The following STX11 variants were observed in gnomAD, a reference collection of about 807,000 sequenced individuals.
STX11 encodes syntaxin 11, also known as syntaxin-11.
STX11 carries 21 observed loss-of-function variants against 19.9 expected under a neutral mutation model. The observed-to-expected ratio is 1.06, with a 90% CI of 0.75 to 1.52. The LOEUF (loss-of-function observed/expected upper bound fraction) is 1.52. STX11 is among the 40% of genes most tolerant of loss of function. STX11 has a pLI of 0.00. For missense variants in STX11, 438 were observed against 405.9 expected (o/e 1.08, Z -0.68); for synonymous variants, 193 against 174.4 (o/e 1.11, Z -0.84).
rs553746899 is a variant in STX11 at position 144,167,632 on chromosome 6, T to C, written c.-6+16929T>C. Among the ~76,000 whole-genome samples the C allele has an allele frequency of 3.3e-5, 5 of 152,220 alleles. No homozygotes were observed. Among genetic ancestry groups the C allele is most frequent in the Non-Finnish European group, 7.3e-5 (5 of 68,042 alleles). On this transcript the variant is annotated intron_variant, in intron 1 of 1. Transcript: ENST00000367568. The surrounding 1 kb of genome is among the most constrained non-coding windows in gnomAD (Gnocchi z 5.0). ...TTTTTCATTTCTTTTTTATTTTCTT[T>C]TTTTGAGACAAGATCTTGCTCTGTT...
rs1220834239 is a variant in STX11 at position 144,176,036 on chromosome 6, A to G, written c.-5-10587A>G. Among the ~76,000 whole-genome samples, 1 of 152,146 alleles carries G rather than the reference A, an allele frequency of 6.6e-6. No homozygotes were observed. Among genetic ancestry groups the G allele is most frequent in the Non-Finnish European group, 1.5e-5 (1 of 68,022 alleles). ...TCTCTGCTAAACCCACTTTTAGGAA[A>G]AAGAAAGAAGTGGCTGGGCTACTGC... is the stretch of plus-strand genomic sequence containing the variant. On this transcript the variant is annotated intron_variant, in intron 1 of 1. Coordinates refer to ENST00000367568, the MANE Select transcript of STX11 (RefSeq NM_003764.4). The surrounding 1 kb of genome is among the most constrained non-coding windows in gnomAD (Gnocchi z 4.1).
rs778541383 is a variant in STX11, at chr6:144,153,026, G to A, written c.-6+2323G>A. Among the ~76,000 whole-genome samples, 24 of 152,158 alleles carry A rather than the reference G, an allele frequency of 1.6e-4. No individual in the cohort carries two copies. The highest frequency in any genetic ancestry group is 2.8e-4 in the Non-Finnish European group (19 of 68,044). Reference sequence around the variant, plus strand: ...CAATGTTTTTTATCACATTATAGCCGTGTGAGCCAAAATGAATAAATCTAC... The same window carrying A: ...CAATGTTTTTTATCACATTATAGCCATGTGAGCCAAAATGAATAAATCTAC... On this transcript the variant is annotated intron_variant, in intron 1 of 1. Transcript: ENST00000367568. This position sits in a 1 kb window ranked among gnomAD's most constrained non-coding sequence, Gnocchi z 5.0.
At position 144,187,025 on chromosome 6, in the gene STX11, A is replaced by ACGCGCT. The variant is rs1802064188; in HGVS notation, c.400_405dup (p.Ala134_Leu135dup). ...GCGCGCATTTCGCGGGCGCAGTACA[A>ACGCGCT]CGCGCTCACCCTCACCTTCCAGCGC... is the stretch of plus-strand genomic sequence containing the variant. On this transcript the variant is annotated inframe_insertion, in exon 2 of 2. Coordinates refer to ENST00000367568, the MANE Select transcript of STX11 (RefSeq NM_003764.4). The surrounding 1 kb of genome is among the most constrained non-coding windows in gnomAD (Gnocchi z 5.6). 2.5e-6 allele frequency: 4 copies of ACGCGCT among 1,612,170 alleles called. No homozygotes were observed. The highest frequency in any genetic ancestry group is 3.4e-6 in the Non-Finnish European group (4 of 1,179,882).
chr6:144,171,348 T>C (rs1035997741), intron 1 of STX11, among the ~76,000 whole-genome samples: 5 of 152,186 alleles, frequency 3.3e-5, no homozygotes, highest in African/African-American at 1.2e-4. Context: ...TAATTTTTGC[T>C]CTTTTTAGCA....
chr6:144,181,763 C>T (rs774999343), intron 1 of STX11, among the ~76,000 whole-genome samples: 15 of 152,172 alleles, frequency 9.9e-5, no homozygotes, highest in Non-Finnish European at 2.2e-4. Flanking sequence ...ATTCTGTCAC[C>T]TCTTGCAGAC....
intron 1 of STX11, among the ~76,000 whole-genome samples, chr6:144,185,931 G>A (rs887927244): frequency 3.3e-5 from 5 of 152,078 alleles, no homozygotes; most frequent in Admixed American, 1.3e-4. Context: ...GTGTACAGGA[G>A]GGGATGCTTC....
chr6:144,140,979 A>T, the STX11 span, among the ~76,000 whole-genome samples: 41,181 of 152,164 alleles, frequency 0.27, 6,058 homozygotes, highest in African/African-American at 0.39. Flanking sequence ...GGCTAAACTA[A>T]TATCTGTAAA....
chr6:144,159,653 T>C lies in STX11; in HGVS notation c.-6+8950T>C, dbSNP rs1161146099. Among the ~76,000 whole-genome samples the C allele has an allele frequency of 1.3e-5, 2 of 152,204 alleles. No individual in the cohort carries two copies. Among genetic ancestry groups the C allele is most frequent in the Non-Finnish European group, 2.9e-5 (2 of 68,040 alleles). On this transcript the variant is annotated intron_variant, in intron 1 of 1. Coordinates refer to ENST00000367568, the MANE Select transcript of STX11 (RefSeq NM_003764.4). The surrounding 1 kb of genome is among the most constrained non-coding windows in gnomAD (Gnocchi z 4.3). ...CTGTGTGTCTCATTCAATGCACCAT[T>C]ACTAGAAGTTACTTTGTTAATATTT...
chr6:144,171,994 A>T (rs1200845290), intron 1 of STX11, among the ~76,000 whole-genome samples: 2 of 152,232 alleles, frequency 1.3e-5, no homozygotes, highest in East Asian at 3.8e-4. Flanking sequence ...TTGTGTTTTA[A>T]AATCATAACA....
the STX11 span, among the ~76,000 whole-genome samples, chr6:144,145,243 C>T: frequency 2.6e-5 from 4 of 152,142 alleles, no homozygotes; most frequent in Non-Finnish European, 5.9e-5. Flanking sequence ...CTGACACATG[C>T]TACATACAGC....
chr6:144,140,256 T>TATATATATATATATATATA, the STX11 span, among the ~76,000 whole-genome samples: 1 of 73,984 alleles, frequency 1.4e-5, no homozygotes, highest in African/African-American at 3.6e-5. Flanking sequence ...ATATATATAT[T>TATATATATATATATATATA]TATTTATTTA....
upstream of STX11, chr6:144,150,409 G>A (rs550871931): frequency 1.9e-4 from 161 of 843,918 alleles, no homozygotes; most frequent in African/African-American, 2.8e-3. Flanking sequence ...GGGAACCCGC[G>A]CTCTGTGAGC....
chr6:144,187,588 C>A lies in STX11; in HGVS notation c.*97C>A. The A allele has an allele frequency of 7.4e-6, 11 of 1,485,396 alleles. No individual in the cohort carries two copies. Among genetic ancestry groups the A allele is most frequent in the Non-Finnish European group, 1.0e-5 (11 of 1,084,412 alleles). The allele number at this position is 1,485,396 out of a possible 1,614,324, so 92.0% of individuals were successfully genotyped here. ...AGCTCTGCCCTGCAGGGAGTTGCCC[C>A]AACCCTTTCCGGAACTCAGTCTTTA... On this transcript the variant is annotated 3_prime_UTR_variant, in exon 2 of 2. Coordinates refer to ENST00000367568, the MANE Select transcript of STX11 (RefSeq NM_003764.4). The surrounding 1 kb of genome is among the most constrained non-coding windows in gnomAD (Gnocchi z 5.6).
rs1802143647 is a variant in STX11, at chr6:144,188,961, C to T, written c.*1470C>T. Reference sequence around the variant, plus strand: ...CAGGATGGTCTTGATCTCCTGACCTCGTGATCCGCCCGCCTCAGCCTCCCA... The same window carrying T: ...CAGGATGGTCTTGATCTCCTGACCTTGTGATCCGCCCGCCTCAGCCTCCCA... On this transcript the variant is annotated 3_prime_UTR_variant, in exon 2 of 2. Coordinates refer to ENST00000367568, the MANE Select transcript of STX11 (RefSeq NM_003764.4). Among the ~76,000 whole-genome samples the T allele has an allele frequency of 6.6e-6, 1 of 151,974 alleles. No individual in the cohort carries two copies. Among genetic ancestry groups the T allele is most frequent in the African/African-American group, 2.4e-5 (1 of 41,380 alleles).
chr6:144,149,318 C>A (rs1465313762), upstream of STX11, among the ~76,000 whole-genome samples: 1 of 151,158 alleles, frequency 6.6e-6, no homozygotes, highest in Admixed American at 6.6e-5. This position sits in a 1 kb window ranked among gnomAD's most constrained non-coding sequence, Gnocchi z 5.1. Flanking sequence ...TCAGTGTAGA[C>A]TCATGGATTT....
rs992966200 is a variant in STX11, at chr6:144,155,409, A to G, written c.-6+4706A>G. ...TTTAAAATAGTTTCTCCACACATGCATTGAATGTTTTGTTCAGCATTTCTT... is the reference window on the plus strand; with the variant it reads ...TTTAAAATAGTTTCTCCACACATGCGTTGAATGTTTTGTTCAGCATTTCTT... On this transcript the variant is annotated intron_variant, in intron 1 of 1. Coordinates refer to ENST00000367568, the MANE Select transcript of STX11 (RefSeq NM_003764.4). This position sits in a 1 kb window ranked among gnomAD's most constrained non-coding sequence, Gnocchi z 4.5. Among the ~76,000 whole-genome samples, 2 of 152,170 alleles carry G rather than the reference A, an allele frequency of 1.3e-5. No individual in the cohort carries two copies. Among genetic ancestry groups the G allele is most frequent in the African/African-American group, 4.8e-5 (2 of 41,424 alleles).
chr6:144,150,349 G>C (rs1800963650), upstream of STX11, among the ~76,000 whole-genome samples: 1 of 152,210 alleles, frequency 6.6e-6, no homozygotes, highest in Non-Finnish European at 1.5e-5. Flanking sequence ...AGGGGCTGGA[G>C]CGCGTCCCCG....
chr6:144,188,165 T>G lies in STX11; in HGVS notation c.*674T>G, dbSNP rs1802113751. ...TCCAAACATTTTTAAGCACTGAATA[T>G]CGAACAAGCACTCAAATTGAAGTAT... On this transcript the variant is annotated 3_prime_UTR_variant, in exon 2 of 2. Transcript: ENST00000367568. The G allele has an allele frequency of 4.2e-6, 1 of 239,082 alleles. No homozygotes were observed. The highest frequency in any genetic ancestry group is 8.9e-6 in the Non-Finnish European group (1 of 112,866). The allele number at this position is 239,082 out of a possible 1,614,324, so 14.8% of individuals were successfully genotyped here.
the STX11 span, among the ~76,000 whole-genome samples, chr6:144,142,289 ATC>A: frequency 7.2e-5 from 11 of 152,036 alleles, no homozygotes; most frequent in African/African-American, 2.7e-4. Context: ...TTTTTTAATG[ATC>A]TCATGTTTGC....
Sources: gnomAD v4.1 joint callset for allele counts (sites outside exome capture counted in the v4.1 genomes callset) on GRCh38, gnomAD v4.1.1 for gene constraint, Gnocchi (gnomAD v3.1) non-coding constraint, MANE v1.5 for transcripts, NCBI Gene and HGNC (gene_info 2026-07-23, HGNC 2026-07-21) for gene names.